Variants in DCC observed in about 807,000 individuals in gnomAD.
DCC encodes the protein netrin receptor DCC.
DCC carries 58 observed loss-of-function variants against 172.5 expected under a neutral mutation model. The observed-to-expected ratio is 0.34, with a 90% CI of 0.27 to 0.42. DCC has a LOEUF of 0.42. Among genes scored for constraint, DCC ranks in the 10% least tolerant of loss-of-function variants. DCC has a pLI of 1.00. For synonymous variants in DCC, 709 were observed against 644.5 expected (o/e 1.10, Z -1.52); for missense variants, 1,740 against 1,791.0 (o/e 0.97, Z 0.51).
chr18:52,807,943 A>G (rs1306114392), intron 2 of DCC, among the ~76,000 whole-genome samples: 1 of 151,874 alleles, frequency 6.6e-6, no homozygotes. Context: ...GGGAACTGAA[A>G]CTCATCCCCT....
intron 1 of DCC, among the ~76,000 whole-genome samples, chr18:52,644,325 T>C (rs987020750): frequency 6.6e-6 from 1 of 152,176 alleles, no homozygotes; most frequent in African/African-American, 2.4e-5. Flanking sequence ...ACGCCTGTAA[T>C]CCCAGCATTC....
intron 25 of DCC, among the ~76,000 whole-genome samples, chr18:53,476,060 G>A (rs1165924867): frequency 6.6e-6 from 1 of 152,170 alleles, no homozygotes; most frequent in Non-Finnish European, 1.5e-5. Context: ...GGCGCCTGTA[G>A]CCCCTTTGTT....
intron 1 of DCC, among the ~76,000 whole-genome samples, chr18:52,472,610 A>G (rs1293435473): frequency 6.6e-6 from 1 of 152,242 alleles, no homozygotes; most frequent in Non-Finnish European, 1.5e-5. Flanking sequence ...TTGTATTTCC[A>G]AGGCCCTTAA....
chr18:53,317,883 T>A lies in DCC; in HGVS notation c.2054-4164T>A, dbSNP rs929798420. On this transcript the variant is annotated intron_variant, in intron 13 of 28. Coordinates refer to ENST00000442544, the MANE Select transcript of DCC (RefSeq NM_005215.4). ...TTTGATTATTCTCTCTTTTCTTCTT[T>A]ATTTGTCTGGCTAGTGGTCTATTTT... Among the ~76,000 whole-genome samples the A allele has an allele frequency of 2.6e-5, 4 of 152,162 alleles. No homozygotes were observed. The South Asian group carries it at 8.3e-4, about 31-fold the overall frequency.
intron 12 of DCC, among the ~76,000 whole-genome samples, chr18:53,238,022 G>C (rs368386021): frequency 7.2e-5 from 11 of 152,234 alleles, no homozygotes; most frequent in Non-Finnish European, 1.5e-4. Context: ...CTTTCTAAAA[G>C]AATCTCATGG....
chr18:52,868,049 A>ATGTG (rs1555675501), intron 2 of DCC, among the ~76,000 whole-genome samples: 2 of 106,432 alleles, frequency 1.9e-5, no homozygotes, highest in Non-Finnish European at 4.4e-5. Flanking sequence ...ATATATATAT[A>ATGTG]TATATGTGTG....
At chr18:52,926,120 C>A (rs1162634832) in intron 5 of DCC, among the ~76,000 whole-genome samples, 7 of 151,830 alleles carry the variant, frequency 4.6e-5, no homozygotes, top group Non-Finnish European at 1.0e-4. Context: ...AACATTGAAT[C>A]TTAGGAATTT....
chr18:52,771,583 A>T (rs1366793713), intron 2 of DCC, among the ~76,000 whole-genome samples: 2 of 152,208 alleles, frequency 1.3e-5, no homozygotes, highest in East Asian at 3.8e-4. Context: ...TCACTAATAT[A>T]ACATGGAGAC....
At position 52,485,151 on chromosome 18, in the gene DCC, T is replaced by C. The variant is rs920468903; in HGVS notation, c.91+144273T>C. Among the ~76,000 whole-genome samples the C allele has an allele frequency of 9.2e-5, 14 of 152,138 alleles. No individual in the cohort carries two copies. The East Asian group carries it at 1.2e-3, about 13-fold the overall frequency. On this transcript the variant is annotated intron_variant, in intron 1 of 28. Coordinates refer to ENST00000442544, the MANE Select transcript of DCC (RefSeq NM_005215.4). ...ATAACATGACATGTGGTTTCTTCTG[T>C]AGTTCTCGAACTGGACTGTGTATGG...
chr18:53,499,436 C>T lies in DCC; in HGVS notation c.4037C>T (p.Ala1346Val). 6.2e-7 allele frequency: 1 copy of T among 1,614,158 alleles called. No homozygotes were observed. The highest frequency in any genetic ancestry group is 8.5e-7 in the Non-Finnish European group (1 of 1,180,014). ...CCAACTCACCCACTCCGCAGCTTTG[C>T]TAATCCTTTGCTACCTCCACCAATG... ...VRPTHPLRSF[A>V]NPLLPPPMSA... Residue 1346 changes from alanine (A) to valine (V), a missense_variant, in exon 27 of 29, where the codon GCT (alanine) becomes GTT (valine). Ala to Val is a moderately conservative substitution (Grantham distance 64, BLOSUM62 0). Around this residue, in one of 2 missense-constraint regions of DCC, gnomAD observed 1,732 missense variants for 1,767.4 expected, o/e 0.98. Coordinates refer to ENST00000442544, the MANE Select transcript of DCC (RefSeq NM_005215.4).
At chr18:53,131,768 CAGTA>C (rs1280167701) in intron 7 of DCC, among the ~76,000 whole-genome samples, 1 of 151,990 alleles carries the variant, frequency 6.6e-6, no homozygotes, top group Non-Finnish European at 1.5e-5. Context: ...GTGATACAGA[CAGTA>C]AGTGTCACCT....
chr18:52,711,150 G>T (rs1047302577), intron 1 of DCC, among the ~76,000 whole-genome samples: 1 of 152,124 alleles, frequency 6.6e-6, no homozygotes, highest in Non-Finnish European at 1.5e-5. Flanking sequence ...TTATCCTACA[G>T]ACCTATTTAT....
intron 7 of DCC, among the ~76,000 whole-genome samples, chr18:53,090,729 A>T (rs2042994100): frequency 1.5e-5 from 2 of 133,544 alleles, no homozygotes; most frequent in African/African-American, 5.5e-5. Context: ...AAAAAAAAAA[A>T]AAAAAGAATG....
intron 1 of DCC, among the ~76,000 whole-genome samples, chr18:52,559,198 G>A (rs540569840): frequency 2.6e-5 from 4 of 152,198 alleles, no homozygotes; most frequent in South Asian, 2.1e-4. Context: ...TGCAACCTCC[G>A]CCTCCCAGGT....
At chr18:53,499,604 A>ATATCT (rs1427685928) in intron 27 of DCC, 94 bp downstream of exon 27, 24 of 1,012,444 alleles carry the variant, frequency 2.4e-5, no homozygotes, top group Non-Finnish European at 3.6e-5. Flanking sequence ...TAGATGTCAT[A>ATATCT]TATCTTTTCA....
At chr18:53,177,758 C>T (rs1218715503) in intron 8 of DCC, among the ~76,000 whole-genome samples, 2 of 152,218 alleles carry the variant, frequency 1.3e-5, no homozygotes, top group East Asian at 3.9e-4. Context: ...GACTCAGTCA[C>T]AAGGCCTCAA....
At chr18:53,231,782 T>C (rs2056124674) in intron 12 of DCC, among the ~76,000 whole-genome samples, 2 of 152,146 alleles carry the variant, frequency 1.3e-5, no homozygotes, top group Admixed American at 1.3e-4. Flanking sequence ...ATTCTACCTT[T>C]ATCAGTCTTC....
intron 25 of DCC, among the ~76,000 whole-genome samples, chr18:53,469,511 A>C (rs2145187418): frequency 6.6e-6 from 1 of 152,302 alleles, no homozygotes; most frequent in South Asian, 2.1e-4. Context: ...CAGGAAGAAA[A>C]GAAAAGCATT....
chr18:53,405,508 G>A (rs1274762197), intron 19 of DCC, among the ~76,000 whole-genome samples: 2 of 152,118 alleles, frequency 1.3e-5, no homozygotes, highest in African/African-American at 2.4e-5. Flanking sequence ...GACACGAATC[G>A]GCTATTATTA....
Sources: gnomAD v4.1 joint callset for allele counts (sites outside exome capture counted in the v4.1 genomes callset) on GRCh38, gnomAD v4.1.1 for gene constraint, gnomAD v4.1.1 regional missense constraint, MANE v1.5 for transcripts, NCBI Gene and HGNC (gene_info 2026-07-23, HGNC 2026-07-21) for gene names.